WDR7: variants seen among roughly 807,000 people sequenced by gnomAD.
The protein encoded by WDR7 is WD repeat-containing protein 7.
A neutral mutation model predicts 169.4 loss-of-function variants in WDR7; 46 were observed. The observed-to-expected ratio is 0.27, with a 90% CI of 0.21 to 0.35. The LOEUF (loss-of-function observed/expected upper bound fraction) is 0.35, where lower values mean the gene tolerates loss of function less well. WDR7 is among the 10% of genes least tolerant of loss of function. The pLI is 1.00. For missense variants in WDR7, 1,534 were observed against 1,859.3 expected (o/e 0.83, Z 3.22); for synonymous variants, 612 against 666.8 (o/e 0.92, Z 1.27).
At chr18:56,677,440 C>G (rs550646929) in intron 2 of WDR7, among the ~76,000 whole-genome samples, 2 of 152,316 alleles carry the variant, frequency 1.3e-5, no homozygotes, top group East Asian at 1.9e-4. Flanking sequence ...ACCTCTGCCT[C>G]CTGGGTTCCA....
chr18:56,937,395 TAAA>T lies in WDR7; in HGVS notation c.3832-1135_3832-1133del, dbSNP rs1460103164. Among the ~76,000 whole-genome samples the T allele has an allele frequency of 4.2e-3, 611 of 145,552 alleles. 3 individuals are homozygous for T. Among genetic ancestry groups the T allele is most frequent in the African/African-American group, 0.015 (535 of 35,248 alleles). On this transcript the variant is annotated intron_variant, in intron 23 of 27. Transcript: ENST00000254442. ...TATTATATAATAAAAAATAAATAAA[TAAA>T]AATAAATGAAACAACACACACAAGT...
chr18:56,934,030 C>T (rs1368172674), intron 22 of WDR7, among the ~76,000 whole-genome samples: 2 of 152,166 alleles, frequency 1.3e-5, no homozygotes, highest in Admixed American at 1.3e-4. Flanking sequence ...TTTTCCCAAA[C>T]TTGATTTCAT....
In WDR7 at chr18:56,756,926, C is replaced by G. The variant is rs1008361021; in HGVS notation, c.2333C>G (p.Pro778Arg). The change falls in exon 15 of 28, where the codon CCT becomes CGT. Residue 778 changes from proline to arginine, a missense_variant. By Grantham distance (103) the Pro-to-Arg change is moderately radical (BLOSUM62 -2). Transcript: ENST00000254442. ...IMRQRREESD[P>R]EYRSSKSKPL... is the part of the protein sequence containing the mutation. ...AGGCAGAGAAGGGAAGAAAGTGATC[C>G]TGAATATCGGTCCAGCAAATCAAAG... 1 of 1,613,982 alleles carries G rather than the reference C, an allele frequency of 6.2e-7. No homozygotes were observed.
chr18:56,983,572 G>C (rs752927736), intron 26 of WDR7, among the ~76,000 whole-genome samples: 67 of 17,896 alleles, frequency 3.7e-3, no homozygotes, highest in African/African-American at 5.3e-3. Flanking sequence ...CACACACACA[G>C]AGAGAGAGAG....
intron 21 of WDR7, among the ~76,000 whole-genome samples, chr18:56,895,860 C>T (rs2046325991): frequency 1.3e-5 from 2 of 151,838 alleles, no homozygotes; most frequent in African/African-American, 4.8e-5. Context: ...TTAATATACA[C>T]ATTGTACACA....
chr18:56,981,464 G>A (rs992881086), intron 26 of WDR7, among the ~76,000 whole-genome samples: 2 of 152,094 alleles, frequency 1.3e-5, no homozygotes, highest in Non-Finnish European at 2.9e-5. Flanking sequence ...GATGTATTTA[G>A]AGCTATGGCA....
intron 12 of WDR7, 57 bp from the exon 13 acceptor site, chr18:56,717,907 G>A: frequency 1.4e-6 from 2 of 1,462,544 alleles, no homozygotes; most frequent in South Asian, 3.1e-5. Flanking sequence ...TTGAAAACAG[G>A]ATCCATTTTA....
intron 20 of WDR7, among the ~76,000 whole-genome samples, chr18:56,862,585 G>A (rs2045823221): frequency 6.6e-6 from 1 of 151,428 alleles, no homozygotes; most frequent in Admixed American, 6.6e-5. Context: ...ACCTGCAAAT[G>A]AAAAATATAA....
intron 12 of WDR7, among the ~76,000 whole-genome samples, chr18:56,703,492 A>C (rs1182037476): frequency 3.9e-5 from 6 of 152,222 alleles, no homozygotes; most frequent in African/African-American, 1.4e-4. Flanking sequence ...TTGTGAATAC[A>C]AACTAAGCAA....
intron 12 of WDR7, among the ~76,000 whole-genome samples, chr18:56,710,734 C>T (rs536472207): frequency 9.3e-4 from 142 of 152,234 alleles, no homozygotes; most frequent in African/African-American, 3.2e-3. Flanking sequence ...ACTTCATTGC[C>T]GCTTGCCAGC....
chr18:56,815,248 T>C (rs950797065), intron 19 of WDR7, among the ~76,000 whole-genome samples: 1 of 152,212 alleles, frequency 6.6e-6, no homozygotes, highest in Non-Finnish European at 1.5e-5. Flanking sequence ...ATTTTTATAT[T>C]ATCATGATTG....
chr18:56,737,299 A>T (rs1014171549), intron 14 of WDR7, among the ~76,000 whole-genome samples: 1 of 152,362 alleles, frequency 6.6e-6, no homozygotes, highest in East Asian at 1.9e-4. Flanking sequence ...TTTTTCTCAT[A>T]AAGCATTTGC....
intron 26 of WDR7, among the ~76,000 whole-genome samples, chr18:56,970,449 A>G (rs887735394): frequency 2.0e-5 from 3 of 152,202 alleles, no homozygotes; most frequent in African/African-American, 7.2e-5. Context: ...TATAAAATAA[A>G]TATTGCTTTT....
At chr18:56,972,381 T>C (rs2047500918) in intron 26 of WDR7, among the ~76,000 whole-genome samples, 1 of 152,216 alleles carries the variant, frequency 6.6e-6, no homozygotes, top group South Asian at 2.1e-4. Context: ...GGGCACAGTT[T>C]TCACTGAGCA....
intron 13 of WDR7, among the ~76,000 whole-genome samples, chr18:56,725,170 G>C (rs2026416756): frequency 1.3e-5 from 2 of 150,810 alleles, no homozygotes; most frequent in Admixed American, 6.5e-5. Context: ...TATATACCCA[G>C]TAATGGGATG....
intron 26 of WDR7, among the ~76,000 whole-genome samples, chr18:57,002,292 TTTTC>T (rs1392035739): frequency 1.1e-4 from 16 of 152,278 alleles, no homozygotes; most frequent in African/African-American, 3.8e-4. Flanking sequence ...TGTACTATAA[TTTTC>T]TTTATTGATA....
chr18:56,658,745 C>G (rs1324410376), intron 1 of WDR7, among the ~76,000 whole-genome samples: 3 of 152,176 alleles, frequency 2.0e-5, no homozygotes, highest in Admixed American at 2.0e-4. Flanking sequence ...CAGAGTCTCA[C>G]TCTGTTGCTC....
At chr18:56,685,770 G>T (rs1267999440) in intron 5 of WDR7, among the ~76,000 whole-genome samples, 186 bp from the exon 6 acceptor site, 1 of 152,182 alleles carries the variant, frequency 6.6e-6, no homozygotes, top group Non-Finnish European at 1.5e-5. Context: ...ATTTTAAGTT[G>T]TTGGCCATCT....
At chr18:56,771,839 G>C (rs1163846700) in intron 16 of WDR7, among the ~76,000 whole-genome samples, 1 of 151,708 alleles carries the variant, frequency 6.6e-6, no homozygotes, top group Non-Finnish European at 1.5e-5. Context: ...CCAAGATCAT[G>C]CCATTGCACT....
Sources: allele counts gnomAD v4.1 joint callset (sites outside exome capture counted in the v4.1 genomes callset), GRCh38; gene constraint gnomAD v4.1.1; transcripts MANE v1.5; gene names NCBI Gene and HGNC (gene_info 2026-07-23, HGNC 2026-07-21).